Variants in HTR7 observed in about 807,000 individuals in gnomAD.
HTR7 encodes the protein 5-HT-7.
Under a neutral mutation model 34.0 loss-of-function variants are expected in HTR7, and 16 were observed. That is an observed-to-expected ratio of 0.47 (90% confidence interval 0.32 to 0.71). HTR7 has a LOEUF of 0.71. Among genes scored for constraint, HTR7 ranks in the 30% least tolerant of loss-of-function variants. HTR7 has a pLI of 0.04. For synonymous variants in HTR7, 265 were observed against 260.2 expected (o/e 1.02, Z -0.18); for missense variants, 504 against 625.5 (o/e 0.81, Z 2.07).
intron 1 of HTR7, among the ~76,000 whole-genome samples, chr10:90,812,211 C>G (rs1254165196): frequency 6.6e-6 from 1 of 152,214 alleles, no homozygotes; most frequent in South Asian, 2.1e-4. Context: ...AGACACCAGA[C>G]CAACTTAGAC....
Position 90,848,692 on chromosome 10 carries a change from C to A in HTR7, c.539+8441G>T, listed in dbSNP as rs1270094789. Reference sequence around the variant, plus strand: ...ATCAGACTCATTATAGTATACTTGACTTTAAAATATGTTTCAAAATTTATA... The same window carrying A: ...ATCAGACTCATTATAGTATACTTGAATTTAAAATATGTTTCAAAATTTATA... On this transcript the variant is annotated intron_variant, in intron 1 of 3. Coordinates refer to ENST00000336152, the MANE Select transcript of HTR7 (RefSeq NM_019859.4). Among the ~76,000 whole-genome samples, 6 of 152,286 alleles carry A rather than the reference C, an allele frequency of 3.9e-5. No homozygotes were observed. The East Asian group carries it at 1.2e-3, about 29-fold the overall frequency.
intron 1 of HTR7, among the ~76,000 whole-genome samples, chr10:90,758,790 A>T (rs1287169509): frequency 6.6e-6 from 1 of 152,198 alleles, no homozygotes; most frequent in Non-Finnish European, 1.5e-5. Flanking sequence ...AAGAAAAAAA[A>T]ATCAGAAAAT....
chr10:90,798,448 GA>G (rs1404315413), intron 1 of HTR7, among the ~76,000 whole-genome samples: 1 of 152,124 alleles, frequency 6.6e-6, no homozygotes, highest in Admixed American at 6.5e-5. Context: ...CCCCAGGCTG[GA>G]CACACTGACT....
At position 90,749,014 on chromosome 10, in the gene HTR7, A is replaced by G; in HGVS notation, c.1120T>C (p.Tyr374His). The change falls in exon 2 of 4, where the codon TAT becomes CAT. Residue 374 changes from tyrosine to histidine, a missense_variant. Physicochemically the swap from Tyr to His is moderately conservative, Grantham distance 83. Coordinates refer to ENST00000336152, the MANE Select transcript of HTR7 (RefSeq NM_019859.4). This position sits in a 1 kb window ranked among gnomAD's most constrained non-coding sequence, Gnocchi z 4.2. Reference protein sequence around the residue: ...WVERTFLWLGYANSLINPFIY... With the variant: ...WVERTFLWLGHANSLINPFIY... ...AAAGGGTTAATGAGAGAGTTTGCAT[A>G]GCCTAGCCACAGAAATGTCCTCTCC... 1 of 1,614,116 alleles carries G rather than the reference A, an allele frequency of 6.2e-7. No homozygotes were observed. The highest frequency in any genetic ancestry group is 8.5e-7 in the Non-Finnish European group (1 of 1,180,000).
chr10:90,794,657 C>A (rs1358189648), intron 1 of HTR7, among the ~76,000 whole-genome samples: 2 of 152,038 alleles, frequency 1.3e-5, no homozygotes, highest in African/African-American at 4.8e-5. Flanking sequence ...CACACCACCA[C>A]ACCTGGCTAT....
At chr10:90,850,574 T>G (rs922954262) in intron 1 of HTR7, among the ~76,000 whole-genome samples, 1 of 152,018 alleles carries the variant, frequency 6.6e-6, no homozygotes, top group African/African-American at 2.4e-5. Context: ...CACAAGTGAC[T>G]CAGATATTGG....
intron 1 of HTR7, among the ~76,000 whole-genome samples, chr10:90,776,832 A>G (rs1845220743): frequency 6.6e-6 from 1 of 152,196 alleles, no homozygotes; most frequent in African/African-American, 2.4e-5. Context: ...TGCTGATTAC[A>G]AAGGCTACAC....
chr10:90,743,574 C>T lies in HTR7; in HGVS notation c.1393+19G>A. On this transcript the variant is annotated intron_variant, in intron 3 of 3. Transcript: ENST00000336152. ...GACCACAGCACTATCTCCAAAGTCT[C>T]CCTTTCCTTGCTACCCACCTGCTAA... The T allele has an allele frequency of 6.3e-7, 1 of 1,590,090 alleles. No homozygotes were observed. The highest frequency in any genetic ancestry group is 1.1e-5 in the South Asian group (1 of 90,616).
At chr10:90,786,935 T>C (rs1310612145) in intron 1 of HTR7, among the ~76,000 whole-genome samples, 1 of 152,214 alleles carries the variant, frequency 6.6e-6, no homozygotes, top group Admixed American at 6.5e-5. Flanking sequence ...TCTGCGTTAC[T>C]GCATTTTCTC....
rs979349812 is a variant in HTR7, at chr10:90,740,943, T to C, written c.*1539A>G. 1.5e-4 allele frequency: 23 copies of C among 152,562 alleles called. No individual in the cohort carries two copies. The highest frequency in any genetic ancestry group is 5.1e-4 in the African/African-American group (21 of 41,434). The allele number at this position is 152,562 out of a possible 1,614,324, so 9.5% of individuals were successfully genotyped here. On this transcript the variant is annotated 3_prime_UTR_variant, in exon 4 of 4. Coordinates refer to ENST00000336152, the MANE Select transcript of HTR7 (RefSeq NM_019859.4). ...TGACCATAAATAATCATTTAAATTA[T>C]GAATATAATATATACGGTCACTTCA...
intron 1 of HTR7, among the ~76,000 whole-genome samples, chr10:90,848,442 T>G (rs796445909): frequency 9.2e-5 from 14 of 152,334 alleles, no homozygotes; most frequent in African/African-American, 2.9e-4. Flanking sequence ...CCTAAAAATA[T>G]TTTTGTCTAT....
chr10:90,786,472 C>A (rs777188168), intron 1 of HTR7, among the ~76,000 whole-genome samples: 5 of 152,092 alleles, frequency 3.3e-5, no homozygotes, highest in Non-Finnish European at 5.9e-5. Context: ...TATCTAAGAA[C>A]CAACATAAGA....
rs1204660396 is a variant in HTR7, at chr10:90,784,055, A to C, written c.540-34461T>G. On this transcript the variant is annotated intron_variant, in intron 1 of 3. Coordinates refer to ENST00000336152, the MANE Select transcript of HTR7 (RefSeq NM_019859.4). ...TTACATTCTTACTAAAACAAGTCAT[A>C]TTAAGTAGATGATGTGGAATAGTAT... Among the ~76,000 whole-genome samples the C allele has an allele frequency of 3.9e-5, 6 of 152,372 alleles. No individual in the cohort carries two copies. In the East Asian group the frequency reaches 1.2e-3, roughly 29 times the overall value.
At chr10:90,821,444 AC>A (rs1378320047) in intron 1 of HTR7, among the ~76,000 whole-genome samples, 1 of 152,138 alleles carries the variant, frequency 6.6e-6, no homozygotes, top group African/African-American at 2.4e-5. Context: ...ATTTAAACCA[AC>A]CCTAGCCAAA....
chr10:90,775,689 A>T (rs1317038060), intron 1 of HTR7, among the ~76,000 whole-genome samples: 2 of 152,236 alleles, frequency 1.3e-5, no homozygotes, highest in Non-Finnish European at 2.9e-5. Context: ...TGTTCTGTAG[A>T]TAACAGACTC....
At chr10:90,742,722 C>A (rs577312363) in intron 3 of HTR7, among the ~76,000 whole-genome samples, 194 bp from the exon 4 acceptor site, 1 of 152,268 alleles carries the variant, frequency 6.6e-6, no homozygotes, top group South Asian at 2.1e-4. Flanking sequence ...ATAACTTCCA[C>A]AAGTTGCCAA....
intron 1 of HTR7, among the ~76,000 whole-genome samples, chr10:90,783,270 C>T (rs1188229816): frequency 1.3e-5 from 2 of 152,176 alleles, no homozygotes; most frequent in Non-Finnish European, 2.9e-5. Flanking sequence ...CTTCCCACTA[C>T]CAGTGCCCAA....
chr10:90,836,728 T>C (rs1322297622), intron 1 of HTR7, among the ~76,000 whole-genome samples: 1 of 151,876 alleles, frequency 6.6e-6, no homozygotes, highest in Non-Finnish European at 1.5e-5. Flanking sequence ...CAGGCCAGTC[T>C]TGAACTCCTG....
intron 1 of HTR7, among the ~76,000 whole-genome samples, chr10:90,798,535 T>C (rs1200834049): frequency 1.3e-5 from 2 of 152,028 alleles, no homozygotes; most frequent in Non-Finnish European, 2.9e-5. Context: ...GGCAACATAC[T>C]GAAACCCCCA....
Sources: allele counts gnomAD v4.1 joint callset (sites outside exome capture counted in the v4.1 genomes callset), GRCh38; gene constraint gnomAD v4.1.1; non-coding constraint Gnocchi (gnomAD v3.1); transcripts MANE v1.5; gene names NCBI Gene and HGNC (gene_info 2026-07-23, HGNC 2026-07-21).